The following KDM2A variants were observed in gnomAD, a reference collection of about 807,000 sequenced individuals.
KDM2A encodes lysine-specific demethylase 2A.
A neutral mutation model predicts 137.3 loss-of-function variants in KDM2A; 3 were observed. The observed-to-expected ratio is 0.02, with a 90% CI of 0.01 to 0.06. The LOEUF is 0.06. Ranked by LOEUF, KDM2A falls within the 10% of genes least tolerant of loss-of-function variation. The pLI is 1.00. For missense variants in KDM2A, 738 were observed against 1,510.6 expected (o/e 0.49, Z 8.48); for synonymous variants, 512 against 541.5 (o/e 0.95, Z 0.76).
chr11:67,201,912 G>A (rs190203923), intron 5 of KDM2A, among the ~76,000 whole-genome samples: 179 of 151,476 alleles, frequency 1.2e-3, no homozygotes, highest in African/African-American at 4.1e-3. Context: ...CTCTGATCTT[G>A]CCACTCTATT....
intron 3 of KDM2A, 150 bp downstream of exon 3, chr11:67,180,367 A>G: frequency 1.4e-6 from 1 of 702,370 alleles, no homozygotes; most frequent in Non-Finnish European, 2.2e-6. Flanking sequence ...ATTTGCATGC[A>G]CTTATCCCCC....
chr11:67,126,369 G>A (rs1307883314), intron 2 of KDM2A, among the ~76,000 whole-genome samples: 3 of 152,042 alleles, frequency 2.0e-5, no homozygotes, highest in Non-Finnish European at 4.4e-5. Context: ...GAGCCCAGGA[G>A]TTTGAGACCA....
At chr11:67,203,035 T>C (rs1021318647) in intron 5 of KDM2A, among the ~76,000 whole-genome samples, 6 of 150,436 alleles carry the variant, frequency 4.0e-5, no homozygotes, top group Admixed American at 4.0e-4. Context: ...CGGTTTACAC[T>C]TCAGCGAAAG....
chr11:67,212,582 G>T (rs1481767916), intron 6 of KDM2A, among the ~76,000 whole-genome samples: 1 of 152,156 alleles, frequency 6.6e-6, no homozygotes, highest in Non-Finnish European at 1.5e-5. Context: ...TTGCAGAACA[G>T]ATTATAACTG....
chr11:67,169,754 TC>T (rs1856836427), intron 2 of KDM2A, among the ~76,000 whole-genome samples: 3 of 51,398 alleles, frequency 5.8e-5, no homozygotes, highest in Non-Finnish European at 1.2e-4. Flanking sequence ...TCTCTCTCTC[TC>T]TCTCTTTTTT....
chr11:67,204,495 CTTTTTTT>C (rs749577884), intron 5 of KDM2A, among the ~76,000 whole-genome samples: 2 of 140,490 alleles, frequency 1.4e-5, no homozygotes, highest in African/African-American at 2.6e-5. Context: ...TTTCTTTTTT[CTTTTTTT>C]TTTTTTTGAG....
intron 2 of KDM2A, among the ~76,000 whole-genome samples, chr11:67,134,279 G>A (rs149924082): frequency 1.3e-5 from 2 of 152,328 alleles, no homozygotes; most frequent in African/African-American, 4.8e-5. Context: ...CTGATGGTCA[G>A]ACTGGGGTAG....
Position 67,146,771 on chromosome 11 carries a change from A to G in KDM2A, c.42+25413A>G, listed in dbSNP as rs370926759. On this transcript the variant is annotated intron_variant, in intron 2 of 20. Transcript: ENST00000529006. ...GTGATCTGCATGCCTCAGACTCCCA[A>G]AGTGCTGGTGCATGAGCCACCGTGC... Among the ~76,000 whole-genome samples, 8 of 152,180 alleles carry G rather than the reference A, an allele frequency of 5.3e-5. No individual in the cohort carries two copies. The East Asian group carries it at 9.6e-4, about 18-fold the overall frequency.
intron 2 of KDM2A, among the ~76,000 whole-genome samples, chr11:67,130,587 T>G (rs941826062): frequency 6.6e-6 from 1 of 152,242 alleles, no homozygotes; most frequent in Non-Finnish European, 1.5e-5. Context: ...AAGGAATTGA[T>G]ACATTATGTA....
At chr11:67,252,485 G>A (rs1461238944) in intron 17 of KDM2A, 13 of 588,970 alleles carry the variant, frequency 2.2e-5, no homozygotes, top group Non-Finnish European at 3.7e-5. Flanking sequence ...CTATCAACAT[G>A]TAGGTTTGCA....
chr11:67,208,225 TTTA>T (rs1857871530), intron 6 of KDM2A, among the ~76,000 whole-genome samples: 3 of 151,218 alleles, frequency 2.0e-5, no homozygotes, highest in South Asian at 2.1e-4. Flanking sequence ...AATTTTAAAA[TTTA>T]TTATTATTAA....
At chr11:67,167,598 C>G (rs538125645) in intron 2 of KDM2A, among the ~76,000 whole-genome samples, 1 of 146,892 alleles carries the variant, frequency 6.8e-6, no homozygotes, top group Non-Finnish European at 1.5e-5. Flanking sequence ...TTTTTTTTTT[C>G]CTTAAAGGTC....
intron 2 of KDM2A, among the ~76,000 whole-genome samples, chr11:67,147,585 A>G (rs377122421): frequency 7.0e-4 from 107 of 152,022 alleles, no homozygotes; most frequent in African/African-American, 2.4e-3. Context: ...TTCAAGAGCC[A>G]GTGAACCTAG....
At chr11:67,138,128 A>G (rs1856009306) in intron 2 of KDM2A, among the ~76,000 whole-genome samples, 2 of 152,198 alleles carry the variant, frequency 1.3e-5, no homozygotes, top group African/African-American at 2.4e-5. Context: ...CCACCGTCAC[A>G]TATACAGTTG....
intron 2 of KDM2A, among the ~76,000 whole-genome samples, chr11:67,123,275 CTTTTT>C (rs575165830): frequency 5.0e-4 from 36 of 71,482 alleles, no homozygotes; most frequent in African/African-American, 1.7e-3. Context: ...CAGTACCTGG[CTTTTT>C]TTTTTTTTTT....
chr11:67,205,392 T>C (rs1857769913), intron 5 of KDM2A, among the ~76,000 whole-genome samples: 1 of 152,118 alleles, frequency 6.6e-6, no homozygotes. Context: ...TTAACTAAGC[T>C]ATAAATTCCT....
intron 2 of KDM2A, among the ~76,000 whole-genome samples, chr11:67,164,942 G>A (rs1201765065): frequency 1.3e-5 from 2 of 151,852 alleles, no homozygotes; most frequent in Non-Finnish European, 2.9e-5. Flanking sequence ...ACCACTCTTA[G>A]AGTAACTTTC....
At chr11:67,159,041 A>T (rs565156501) in intron 2 of KDM2A, among the ~76,000 whole-genome samples, 1 of 151,958 alleles carries the variant, frequency 6.6e-6, no homozygotes, top group East Asian at 1.9e-4. Context: ...TTTATTAATT[A>T]TTTTTTTCAT....
intron 2 of KDM2A, among the ~76,000 whole-genome samples, chr11:67,172,074 C>T (rs1399592573): frequency 6.6e-6 from 1 of 152,186 alleles, no homozygotes; most frequent in East Asian, 1.9e-4. Context: ...ACTGCAGCCT[C>T]AACCTCCGGG....
Sources: allele counts gnomAD v4.1 joint callset (sites outside exome capture counted in the v4.1 genomes callset), GRCh38; gene constraint gnomAD v4.1.1; transcripts MANE v1.5; gene names NCBI Gene and HGNC (gene_info 2026-07-23, HGNC 2026-07-21).